Variants in ZNF385B observed in about 807,000 individuals in gnomAD.
ZNF385B encodes the protein zinc finger protein 385B.
In ZNF385B, 23 loss-of-function variants were observed where a neutral mutation model predicts 39.2. That is an observed-to-expected ratio of 0.59 (90% CI 0.42 to 0.83). The LOEUF is 0.83. Among genes scored for constraint, ZNF385B ranks in the 40% least tolerant of loss-of-function variants. ZNF385B has a pLI of 0.00. For missense variants in ZNF385B, 552 were observed against 598.9 expected (o/e 0.92, Z 0.82); for synonymous variants, 205 against 222.6 (o/e 0.92, Z 0.70).
intron 3 of ZNF385B, among the ~76,000 whole-genome samples, chr2:179,740,680 C>G (rs965652175): frequency 6.6e-6 from 1 of 152,056 alleles, no homozygotes; most frequent in African/African-American, 2.4e-5. Flanking sequence ...GACATTGATG[C>G]CAACATGGGG....
intron 3 of ZNF385B, among the ~76,000 whole-genome samples, chr2:179,731,398 T>C (rs1701378994): frequency 6.6e-6 from 1 of 151,914 alleles, no homozygotes; most frequent in Non-Finnish European, 1.5e-5. Flanking sequence ...AGTCACAAAA[T>C]CTTTGCCATG....
chr2:179,482,674 C>T (rs1415134389), intron 6 of ZNF385B, among the ~76,000 whole-genome samples: 2 of 152,148 alleles, frequency 1.3e-5, no homozygotes, highest in African/African-American at 4.8e-5. Context: ...CGTTGGAAAT[C>T]ATTCCCTTAA....
In ZNF385B at chr2:179,442,194, G is replaced by A. The variant is rs867080935; in HGVS notation, c.*1056C>T. On this transcript the variant is annotated 3_prime_UTR_variant, in exon 10 of 10. Transcript: ENST00000410066. ...GAGCATGACCTGCAATATATTCAGC[G>A]AACAGAAAGACAAATTGTTCAATTA... The A allele has an allele frequency of 6.6e-6, 1 of 152,538 alleles. No homozygotes were observed. The highest frequency in any genetic ancestry group is 1.5e-5 in the Non-Finnish European group (1 of 68,022). The allele number at this position is 152,538 out of a possible 1,614,324, so 9.4% of individuals were successfully genotyped here. A position where few individuals can be genotyped will look rare whatever the true frequency, so the allele number is the denominator to read the frequency against.
intron 3 of ZNF385B, among the ~76,000 whole-genome samples, chr2:179,609,463 T>A (rs1223206227): frequency 6.6e-6 from 1 of 152,200 alleles, no homozygotes; most frequent in Admixed American, 6.5e-5. Context: ...CACATTTTCT[T>A]ATCCATTAAT....
chr2:179,680,221 G>C (rs1697394403), intron 3 of ZNF385B, among the ~76,000 whole-genome samples: 1 of 152,062 alleles, frequency 6.6e-6, no homozygotes, highest in Admixed American at 6.5e-5. Context: ...TTCCACTTTT[G>C]ACAAAAAAGC....
rs60132551 is a variant in ZNF385B, at chr2:179,781,779, T to C, written c.-154-11107A>G. Among the ~76,000 whole-genome samples, 404 of 152,272 alleles carry C rather than the reference T, an allele frequency of 2.7e-3. 1 individual carries two copies. The highest frequency in any genetic ancestry group is 9.3e-3 in the African/African-American group (385 of 41,566). On this transcript the variant is annotated intron_variant, in intron 1 of 9. Coordinates refer to ENST00000410066, the MANE Select transcript of ZNF385B (RefSeq NM_152520.6). ...TCCTGCCAAGACTGAGCCAGGAAGA[T>C]ATTGATTCCATGAACAAACCAATAA...
chr2:179,616,994 A>G (rs557756700), intron 3 of ZNF385B, among the ~76,000 whole-genome samples: 10 of 152,158 alleles, frequency 6.6e-5, no homozygotes, highest in Admixed American at 1.3e-4. Context: ...TTTAGTGACT[A>G]CAGCCTTCAT....
chr2:179,635,785 C>A (rs1691698691), intron 3 of ZNF385B, among the ~76,000 whole-genome samples: 1 of 152,024 alleles, frequency 6.6e-6, no homozygotes, highest in African/African-American at 2.4e-5. Flanking sequence ...TGTGATATCA[C>A]TCTTTAAAGA....
intron 3 of ZNF385B, among the ~76,000 whole-genome samples, chr2:179,696,204 A>T (rs1249520970): frequency 6.6e-6 from 1 of 152,030 alleles, no homozygotes; most frequent in Non-Finnish European, 1.5e-5. Flanking sequence ...TACTGTGGTG[A>T]TGATCGTATG....
chr2:179,663,368 T>C (rs534770256), intron 3 of ZNF385B, among the ~76,000 whole-genome samples: 1 of 152,260 alleles, frequency 6.6e-6, no homozygotes, highest in South Asian at 2.1e-4. Context: ...CTACTAGCAC[T>C]CAGTTTTAGT....
chr2:179,449,482 T>G (rs943709694), intron 6 of ZNF385B, among the ~76,000 whole-genome samples: 3 of 152,030 alleles, frequency 2.0e-5, no homozygotes, highest in South Asian at 2.1e-4. Context: ...GCCAAATCAT[T>G]AGTGAACTCC....
At chr2:179,517,876 C>T (rs1418723618) in intron 5 of ZNF385B, among the ~76,000 whole-genome samples, 1 of 152,008 alleles carries the variant, frequency 6.6e-6, no homozygotes, top group Non-Finnish European at 1.5e-5. Flanking sequence ...GATGGTTATG[C>T]TTGACAGATA....
intron 3 of ZNF385B, among the ~76,000 whole-genome samples, chr2:179,559,251 G>A (rs2061162150): frequency 6.6e-6 from 1 of 152,146 alleles, no homozygotes; most frequent in African/African-American, 2.4e-5. Flanking sequence ...GCGACTGGAA[G>A]ACAATGTGAG....
In ZNF385B at chr2:179,509,900, G is replaced by C. The variant is rs546161149; in HGVS notation, c.552+8628C>G. ...TCTCTTTATTTAATCACCTGCTGCAGAGTTCAGTTTATATGTGACTTTCTC... is the reference window on the plus strand; with the variant it reads ...TCTCTTTATTTAATCACCTGCTGCACAGTTCAGTTTATATGTGACTTTCTC... On this transcript the variant is annotated intron_variant, in intron 5 of 9. Transcript: ENST00000410066. Among the ~76,000 whole-genome samples the C allele has an allele frequency of 5.6e-4, 85 of 152,254 alleles. 1 individual carries two copies. The highest frequency in any genetic ancestry group is 1.6e-3 in the Admixed American group (24 of 15,294).
chr2:179,750,502 G>A (rs1702608917), intron 3 of ZNF385B, among the ~76,000 whole-genome samples: 1 of 152,082 alleles, frequency 6.6e-6, no homozygotes, highest in Non-Finnish European at 1.5e-5. Context: ...AGTACTACAA[G>A]TGAGAGACAA....
At chr2:179,597,687 G>T in intron 3 of ZNF385B, among the ~76,000 whole-genome samples, 1 of 151,950 alleles carries the variant, frequency 6.6e-6, no homozygotes, top group East Asian at 1.9e-4. Context: ...ATCTTATTTT[G>T]CATTTTAATG....
intron 3 of ZNF385B, among the ~76,000 whole-genome samples, chr2:179,718,829 T>TA (rs57140629): frequency 0.2 from 28,304 of 144,694 alleles, 2,912 homozygotes; most frequent in Admixed American, 0.31. Flanking sequence ...CTGTATCTAT[T>TA]AAAAAAAAAA....
At chr2:179,689,960 C>G (rs1200945385) in intron 3 of ZNF385B, among the ~76,000 whole-genome samples, 3 of 152,128 alleles carry the variant, frequency 2.0e-5, no homozygotes, top group Non-Finnish European at 4.4e-5. Context: ...TCTTTGTCTT[C>G]TAGTAACGTC....
intron 5 of ZNF385B, 102 bp downstream of exon 5, chr2:179,518,426 G>T (rs2058241229): frequency 1.2e-6 from 1 of 848,486 alleles, no homozygotes; most frequent in Non-Finnish European, 1.8e-6. Flanking sequence ...ACCAATAGGA[G>T]TGGCTGCTAC....
Sources: allele counts gnomAD v4.1 joint callset (sites outside exome capture counted in the v4.1 genomes callset), GRCh38; gene constraint gnomAD v4.1.1; transcripts MANE v1.5; gene names NCBI Gene and HGNC (gene_info 2026-07-23, HGNC 2026-07-21).